The following SGCG variants were observed in gnomAD, a reference collection of about 807,000 sequenced individuals.
SGCG encodes sarcoglycan gamma.
A neutral mutation model predicts 29.3 loss-of-function variants in SGCG; 26 were observed. The ratio of observed to expected loss-of-function variants is 0.89; its 90% CI spans 0.65 to 1.23. The LOEUF (loss-of-function observed/expected upper bound fraction) is 1.23. Among genes scored for constraint, SGCG ranks in the 50% most tolerant of loss-of-function variants. The pLI is 0.00. For synonymous variants in SGCG, 145 were observed against 129.7 expected (o/e 1.12, Z -0.80); for missense variants, 353 against 356.0 (o/e 0.99, Z 0.07).
At chr13:23,236,227 G>A (rs1418778327) in intron 3 of SGCG, among the ~76,000 whole-genome samples, 2 of 152,348 alleles carry the variant, frequency 1.3e-5, no homozygotes, top group South Asian at 4.1e-4. Flanking sequence ...AGACATGAAT[G>A]AAGCATTCAA....
At chr13:23,211,173 G>A (rs984219818) in intron 2 of SGCG, among the ~76,000 whole-genome samples, 1 of 152,214 alleles carries the variant, frequency 6.6e-6, no homozygotes, top group African/African-American at 2.4e-5. Context: ...TGCCTGCTGC[G>A]AGGCAAGGAC....
Position 23,207,598 on chromosome 13 carries a change from G to A in SGCG, c.195+3709G>A, listed in dbSNP as rs187106595. Reference sequence around the variant, plus strand: ...GGGGTTAATTTCCAAAATATATAAGGAACTCCTATAACTCAAGAGCAAAAA... The same window carrying A: ...GGGGTTAATTTCCAAAATATATAAGAAACTCCTATAACTCAAGAGCAAAAA... On this transcript the variant is annotated intron_variant, in intron 2 of 7. Transcript: ENST00000218867. Among the ~76,000 whole-genome samples, 3 of 152,166 alleles carry A rather than the reference G, an allele frequency of 2.0e-5. No individual in the cohort carries two copies. In the East Asian group the frequency reaches 5.8e-4, roughly 29 times the overall value.
In SGCG at chr13:23,314,450, A is replaced by G. The variant is rs142858273; in HGVS notation, c.579-6187A>G. 5.8e-3 allele frequency among the ~76,000 whole-genome samples: 700 copies of G among 120,526 alleles called. 41 individuals are homozygous for G. The highest frequency in any genetic ancestry group is 0.057 in the Admixed American group (654 of 11,404). 79.1% of individuals were successfully genotyped at this position (120,526 alleles called of 152,430 possible). A position where few individuals can be genotyped will look rare whatever the true frequency, so the allele number is the denominator to read the frequency against. On this transcript the variant is annotated intron_variant, in intron 6 of 7. Transcript: ENST00000218867. ...AATAAGATATGTATATAAGATATAT[A>G]TAAAGGTATATATATATAAGATATA...
At chr13:23,271,494 G>A (rs1880876340) in intron 4 of SGCG, among the ~76,000 whole-genome samples, 1 of 152,136 alleles carries the variant, frequency 6.6e-6, no homozygotes, top group African/African-American at 2.4e-5. Flanking sequence ...AGCTGTCCTG[G>A]GCTGCATGCA....
At chr13:23,261,631 A>G (rs1176483629) in intron 4 of SGCG, among the ~76,000 whole-genome samples, 1 of 152,108 alleles carries the variant, frequency 6.6e-6, no homozygotes, top group Non-Finnish European at 1.5e-5. Context: ...AGAGATTTAG[A>G]CATCCAAGTA....
At chr13:23,184,843 T>A (rs533536729) in intron 1 of SGCG, among the ~76,000 whole-genome samples, 1 of 152,346 alleles carries the variant, frequency 6.6e-6, no homozygotes, top group Middle Eastern at 3.4e-3. Context: ...CATCTCAGGC[T>A]GCTTCCAGGG....
intron 4 of SGCG, among the ~76,000 whole-genome samples, chr13:23,273,837 G>A (rs1046908615): frequency 2.6e-5 from 4 of 152,200 alleles, no homozygotes; most frequent in African/African-American, 9.6e-5. Context: ...CTTGAGGAGA[G>A]TGTGCATCCT....
intron 1 of SGCG, among the ~76,000 whole-genome samples, chr13:23,203,257 C>A (rs1877840399): frequency 6.6e-6 from 1 of 152,214 alleles, no homozygotes; most frequent in Non-Finnish European, 1.5e-5. Context: ...CTGCGCCTGG[C>A]TGCGGATTCC....
intron 4 of SGCG, among the ~76,000 whole-genome samples, chr13:23,275,152 G>A (rs9510657): frequency 0.065 from 7,685 of 118,486 alleles, 319 homozygotes; most frequent in East Asian, 0.12. Context: ...TAGAAATGAG[G>A]ACGTTGTTTA....
intron 2 of SGCG, among the ~76,000 whole-genome samples, chr13:23,223,781 C>T (rs533682142): frequency 6.6e-6 from 1 of 152,036 alleles, no homozygotes; most frequent in Admixed American, 6.5e-5. Flanking sequence ...GCCTGACCAA[C>T]ATGGTGAAAC....
At chr13:23,200,117 G>A (rs1014414072) in intron 1 of SGCG, among the ~76,000 whole-genome samples, 3 of 99,112 alleles carry the variant, frequency 3.0e-5, no homozygotes, top group South Asian at 4.5e-4. Flanking sequence ...CTTGTTGTAC[G>A]CTTAAATAAA....
intron 1 of SGCG, among the ~76,000 whole-genome samples, chr13:23,188,519 A>G (rs1281247820): frequency 7.5e-6 from 1 of 134,170 alleles, no homozygotes; most frequent in African/African-American, 2.9e-5. Flanking sequence ...GGTATTCACC[A>G]TGTTGGTCAG....
intron 3 of SGCG, among the ~76,000 whole-genome samples, chr13:23,238,822 G>T (rs986050572): frequency 6.6e-6 from 1 of 152,144 alleles, no homozygotes; most frequent in Non-Finnish European, 1.5e-5. Flanking sequence ...AAAGCCAATG[G>T]TGGGACTAAC....
chr13:23,170,448 A>G, the SGCG span: 1 of 152,220 alleles, frequency 6.6e-6, no homozygotes, highest in African/African-American at 2.4e-5. Flanking sequence ...AATCAATGCA[A>G]AGAAAGTTTG....
intron 6 of SGCG, among the ~76,000 whole-genome samples, chr13:23,298,351 G>A (rs545944056): frequency 4.8e-4 from 73 of 152,014 alleles, no homozygotes; most frequent in African/African-American, 1.4e-3. Flanking sequence ...GCCAGACTCC[G>A]TCTTTTTATC....
intron 5 of SGCG, among the ~76,000 whole-genome samples, chr13:23,280,300 C>T (rs17374979): frequency 0.2 from 31,171 of 152,116 alleles, 3,365 homozygotes; most frequent in Non-Finnish European, 0.24. Flanking sequence ...CTAGAAGACA[C>T]AGGCAGATAC....
At position 23,310,290 on chromosome 13, in the gene SGCG, A is replaced by G. The variant is rs377710626; in HGVS notation, c.579-10347A>G. On this transcript the variant is annotated intron_variant, in intron 6 of 7. Transcript: ENST00000218867. ...TTTAGTAGAGACGGGGTTTCACCCT[A>G]TTAGCCAGGGTGGTCTCGATCTCCT... is the stretch of plus-strand genomic sequence containing the variant. Among the ~76,000 whole-genome samples the G allele has an allele frequency of 1.1e-3, 161 of 151,764 alleles. No individual in the cohort carries two copies. In the East Asian group the frequency reaches 0.011, roughly 11 times the overall value.
intron 2 of SGCG, 126 bp downstream of exon 2, chr13:23,204,015 T>TCTGATTATTTAATTCAGTTTGTAAAATGG (rs1565998476): frequency 1.3e-6 from 1 of 761,730 alleles, no homozygotes; most frequent in African/African-American, 1.7e-5. Context: ...GGCTCTGAAT[T>TCTGATTATTTAATTCAGTTTGTAAAATGG]TCAGGAGCAA....
At chr13:23,165,782 T>C in the SGCG span, among the ~76,000 whole-genome samples, 1 of 152,140 alleles carries the variant, frequency 6.6e-6, no homozygotes, top group Non-Finnish European at 1.5e-5. Flanking sequence ...CTGCCTTGGC[T>C]TCCCAAAGTG....
Sources: gnomAD v4.1 joint callset for allele counts (sites outside exome capture counted in the v4.1 genomes callset) on GRCh38, gnomAD v4.1.1 for gene constraint, MANE v1.5 for transcripts, NCBI Gene and HGNC (gene_info 2026-07-23, HGNC 2026-07-21) for gene names.